NUP210L: variants seen among roughly 807,000 people sequenced by gnomAD.
NUP210L encodes nucleoporin 210 like.
In NUP210L, 74 loss-of-function variants were observed where a neutral mutation model predicts 208.5. The observed-to-expected ratio is 0.35, with a 90% CI of 0.29 to 0.43. The LOEUF (loss-of-function observed/expected upper bound fraction) is 0.43. Among genes scored for constraint, NUP210L ranks in the 20% least tolerant of loss-of-function variants. The probability of loss-of-function intolerance (pLI) is 1.00; values close to 1 mark genes in which losing one functional copy is unlikely to be tolerated. For missense variants in NUP210L, 1,843 were observed against 2,289.4 expected (o/e 0.81, Z 3.98); for synonymous variants, 780 against 816.9 (o/e 0.95, Z 0.77).
chr1:154,088,845 T>C (rs1158970408), intron 16 of NUP210L, among the ~76,000 whole-genome samples: 3 of 152,172 alleles, frequency 2.0e-5, no homozygotes, highest in African/African-American at 7.2e-5. Context: ...CTCAACATTG[T>C]TTATTATATA....
chr1:154,010,916 G>T (rs892678562), intron 34 of NUP210L, among the ~76,000 whole-genome samples: 1 of 151,982 alleles, frequency 6.6e-6, no homozygotes, highest in Non-Finnish European at 1.5e-5. Context: ...AAGCAGTACA[G>T]TTGGGAGGTA....
At chr1:154,153,637 G>A (rs1285001273) in intron 1 of NUP210L, among the ~76,000 whole-genome samples, 1 of 151,660 alleles carries the variant, frequency 6.6e-6, no homozygotes, top group Non-Finnish European at 1.5e-5. Flanking sequence ...ATAGAGACGG[G>A]GTCTCACTAT....
chr1:154,036,236 G>GA (rs1189173627), intron 27 of NUP210L, among the ~76,000 whole-genome samples: 1 of 150,386 alleles, frequency 6.6e-6, no homozygotes, highest in Non-Finnish European at 1.5e-5. Context: ...ATTGTGGTCA[G>GA]AAAAAACACT....
intron 16 of NUP210L, among the ~76,000 whole-genome samples, chr1:154,070,958 T>C (rs1264011183): frequency 1.3e-5 from 2 of 152,230 alleles, no homozygotes; most frequent in South Asian, 2.1e-4. Context: ...AAGGTGTATG[T>C]ATGCATTGTA....
intron 12 of NUP210L, among the ~76,000 whole-genome samples, chr1:154,114,391 C>T (rs1450462456): frequency 1.3e-5 from 2 of 152,104 alleles, no homozygotes; most frequent in Non-Finnish European, 2.9e-5. Context: ...CTTAAAGTGA[C>T]ATTTACATTA....
chr1:154,005,476 C>T (rs1348366150), intron 35 of NUP210L, among the ~76,000 whole-genome samples: 1 of 152,002 alleles, frequency 6.6e-6, no homozygotes, highest in Non-Finnish European at 1.5e-5. Context: ...TGATCCACCG[C>T]CTTGGCCTCC....
chr1:154,026,780 A>C (rs971073804), intron 29 of NUP210L, among the ~76,000 whole-genome samples: 1 of 152,178 alleles, frequency 6.6e-6, no homozygotes, highest in African/African-American at 2.4e-5. Context: ...ACATTATGCT[A>C]ACTTAAAGAA....
At chr1:154,041,929 C>A (rs140819675) in intron 27 of NUP210L, among the ~76,000 whole-genome samples, 106 of 152,170 alleles carry the variant, frequency 7.0e-4, no homozygotes, top group African/African-American at 2.4e-3. Context: ...CCTACACACA[C>A]AAAAAAATCC....
chr1:154,035,147 C>A (rs1652463339), intron 27 of NUP210L, among the ~76,000 whole-genome samples: 1 of 151,726 alleles, frequency 6.6e-6, no homozygotes, highest in African/African-American at 2.4e-5. Flanking sequence ...GCCAATGTCT[C>A]TTTTTCCACC....
intron 17 of NUP210L, among the ~76,000 whole-genome samples, chr1:154,067,802 C>T (rs11585633): frequency 0.26 from 38,987 of 151,998 alleles, 5,509 homozygotes; most frequent in Admixed American, 0.37. Flanking sequence ...ACACCAATAA[C>T]AGACAAACAG....
chr1:154,005,106 C>T (rs895243184), intron 35 of NUP210L, among the ~76,000 whole-genome samples: 3 of 152,002 alleles, frequency 2.0e-5, no homozygotes, highest in African/African-American at 7.2e-5. Flanking sequence ...CCTCCTCGGC[C>T]TCCCAAAGTG....
At chr1:154,052,836 T>C (rs924477807) in intron 25 of NUP210L, among the ~76,000 whole-genome samples, 5 of 152,176 alleles carry the variant, frequency 3.3e-5, no homozygotes, top group Non-Finnish European at 7.3e-5. Flanking sequence ...TATTGATTGG[T>C]CCCCAAAGGG....
Position 154,100,277 on chromosome 1 carries a change from C to A in NUP210L, c.1820-134G>T, listed in dbSNP as rs1656392343. ...CCCGCCTGAAAAACATGGTGAAACC[C>A]CGTGTCTACAAAATATTTAAAAAAT... On this transcript the variant is annotated intron_variant, in intron 13 of 39. Transcript: ENST00000368559. 7.0e-6 allele frequency: 5 copies of A among 710,522 alleles called. No individual in the cohort carries two copies. In the East Asian group the frequency reaches 1.3e-4, roughly 19 times the overall value. The allele number at this position is 710,522 out of a possible 1,614,324, so 44.0% of individuals were successfully genotyped here. A position where few individuals can be genotyped will look rare whatever the true frequency, so the allele number is the denominator to read the frequency against.
chr1:154,154,311 A>G (rs943942407), intron 1 of NUP210L, among the ~76,000 whole-genome samples: 2 of 152,206 alleles, frequency 1.3e-5, no homozygotes, highest in African/African-American at 4.8e-5. Flanking sequence ...CGAATGAGTT[A>G]ACACATGTAA....
chr1:154,103,119 C>T (rs1399955317), intron 13 of NUP210L, among the ~76,000 whole-genome samples: 2 of 151,846 alleles, frequency 1.3e-5, no homozygotes, highest in South Asian at 2.1e-4. Context: ...ACTGGCTGGG[C>T]GCAGTGGCTC....
At chr1:154,019,928 A>G (rs1651461973) in intron 32 of NUP210L, among the ~76,000 whole-genome samples, 1 of 152,204 alleles carries the variant, frequency 6.6e-6, no homozygotes, top group African/African-American at 2.4e-5. Flanking sequence ...CTCTGTCTCA[A>G]AAAAACAAAC....
At chr1:154,066,415 T>C (rs778389212) in intron 17 of NUP210L, among the ~76,000 whole-genome samples, 2 of 152,072 alleles carry the variant, frequency 1.3e-5, no homozygotes, top group Non-Finnish European at 2.9e-5. Flanking sequence ...ATTGAGAACA[T>C]CCTGGCTAAC....
intron 1 of NUP210L, among the ~76,000 whole-genome samples, chr1:154,153,609 C>A (rs1411178059): frequency 6.6e-6 from 1 of 152,106 alleles, no homozygotes; most frequent in African/African-American, 2.4e-5. Context: ...TGCGCCCGGC[C>A]GAATGTTTTT....
chr1:153,995,031 C>T (rs1031406947), intron 38 of NUP210L, 45 bp downstream of exon 38: 3 of 1,113,570 alleles, frequency 2.7e-6, no homozygotes, highest in South Asian at 1.5e-5. Flanking sequence ...AAAAAAAAGG[C>T]AGTTTTCATG....
Sources: allele counts gnomAD v4.1 joint callset (sites outside exome capture counted in the v4.1 genomes callset), GRCh38; gene constraint gnomAD v4.1.1; transcripts MANE v1.5; gene names NCBI Gene and HGNC (gene_info 2026-07-23, HGNC 2026-07-21).